The following EHBP1L1 variants were observed in gnomAD, a reference collection of about 807,000 sequenced individuals.
EHBP1L1 encodes EH domain-binding protein 1-like protein 1.
In EHBP1L1, 122 loss-of-function variants were observed where a neutral mutation model predicts 151.1. That is an observed-to-expected ratio of 0.81 (90% CI 0.70 to 0.94). The LOEUF (loss-of-function observed/expected upper bound fraction) is 0.94. Ranked by LOEUF, EHBP1L1 falls within the 40% of genes least tolerant of loss-of-function variation. EHBP1L1 has a pLI of 0.00. For synonymous variants in EHBP1L1, 878 were observed against 810.1 expected (o/e 1.08, Z -1.42); for missense variants, 1,941 against 1,959.8 (o/e 0.99, Z 0.18).
chr11:65,579,997 T>C lies in EHBP1L1; in HGVS notation c.312+8T>C. 3 of 1,613,898 alleles carry C rather than the reference T, an allele frequency of 1.9e-6. No individual in the cohort carries two copies. Among genetic ancestry groups the C allele is most frequent in the Non-Finnish European group, 2.5e-6 (3 of 1,179,854 alleles). ...ACATTTATTATTGAAAATGTGAGTG[T>C]CTGGAGTGGGCTCAGGTCTGGAATC... On this transcript the variant is annotated splice_region_variant and intron_variant, in intron 4 of 18. Transcript: ENST00000309295.
Position 65,579,391 on chromosome 11 carries a change from G to A in EHBP1L1, c.213G>A (p.Val71=), listed in dbSNP as rs771254529. ...GIQNPYRGTV[V]WMVPENVDIS... ...AGAACCCATACCGGGGCACCGTGGT[G>A]TGGATGGTACCTGAGAATGTGGACA... Residue 71 remains valine (V), a synonymous_variant, in exon 3 of 19, where the codon GTG becomes GTA. Transcript: ENST00000309295. 1.9e-6 allele frequency: 3 copies of A among 1,578,356 alleles called. No individual in the cohort carries two copies. Among genetic ancestry groups the A allele is most frequent in the Admixed American group, 1.8e-5 (1 of 55,330 alleles).
Position 65,583,411 on chromosome 11 carries a change from A to T in EHBP1L1, c.2739A>T (p.Gly913=), listed in dbSNP as rs1857747606. 7 of 1,613,398 alleles carry T rather than the reference A, an allele frequency of 4.3e-6. No homozygotes were observed. The highest frequency in any genetic ancestry group is 1.7e-5 in the Admixed American group (1 of 59,952). ...RAPVTQPRVL[G]SQEAKAEISG... is the part of the protein sequence containing the mutation. ...CAGTCACTCAGCCAAGAGTTTTAGG[A>T]TCCCAGGAAGCAAAAGCAGAGATTT... Residue 913 remains glycine, a synonymous_variant, in exon 9 of 19, where the codon GGA becomes GGT. Transcript: ENST00000309295.
chr11:65,581,902 CAG>C lies in EHBP1L1; in HGVS notation c.1233_1234del (p.Arg411SerfsTer5). 1 of 1,613,656 alleles carries C rather than the reference CAG, an allele frequency of 6.2e-7. No homozygotes were observed. The highest frequency in any genetic ancestry group is 8.5e-7 in the Non-Finnish European group (1 of 1,179,796). On this transcript the variant is annotated frameshift_variant, in exon 9 of 19. Coordinates refer to ENST00000309295, the MANE Select transcript of EHBP1L1 (RefSeq NM_001099409.3). LOFTEE classifies it high-confidence loss of function. ...REANTKRSGVRAGEAEESSAV... is the reference protein window; with the variant it reads ...REANTKRSGVXAGEAEESSAV... ...AGGCAAACACTAAGAGGTCAGGAGTCAGAGCTGGGGAGGCTGAAGAGAGTTCA... is the reference window on the plus strand; with the variant it reads ...AGGCAAACACTAAGAGGTCAGGAGTCAGCTGGGGAGGCTGAAGAGAGTTCA...
At chr11:65,591,045 A>G (rs1858252777) in intron 16 of EHBP1L1, 1 of 160,050 alleles carries the variant, frequency 6.2e-6, no homozygotes, top group African/African-American at 2.4e-5. Flanking sequence ...AATAAAAATT[A>G]AAACAAAAAT....
intron 12 of EHBP1L1, among the ~76,000 whole-genome samples, chr11:65,588,159 C>T (rs923090679): frequency 2.7e-5 from 4 of 150,326 alleles, no homozygotes; most frequent in African/African-American, 7.3e-5. Context: ...GGGAGGGAGG[C>T]GGGAAGAGTG....
chr11:65,584,756 G>T lies in EHBP1L1; in HGVS notation c.3301-203G>T, dbSNP rs555907233. 1.1e-3 allele frequency: 1,088 copies of T among 954,588 alleles called. 7 individuals carry two copies. The African/African-American group carries it at 0.014, about 12-fold the overall frequency. The allele number at this position is 954,588 out of a possible 1,614,324, so 59.1% of individuals were successfully genotyped here. On this transcript the variant is annotated intron_variant, in intron 11 of 18. Coordinates refer to ENST00000309295, the MANE Select transcript of EHBP1L1 (RefSeq NM_001099409.3). ...GATGGTTTTTCCAAAACCACCCTTTGGTAACGGGGTGGACGGTGTGCCGTT... is the reference window on the plus strand; with the variant it reads ...GATGGTTTTTCCAAAACCACCCTTTTGTAACGGGGTGGACGGTGTGCCGTT...
In EHBP1L1 at chr11:65,592,476, G is replaced by A. The variant is rs1321904803; in HGVS notation, c.*174G>A. On this transcript the variant is annotated 3_prime_UTR_variant, in exon 19 of 19. Coordinates refer to ENST00000309295, the MANE Select transcript of EHBP1L1 (RefSeq NM_001099409.3). Reference sequence around the variant, plus strand: ...GATCCCCGACCCCACGGGCGGGGCGGCCGCCGTATTTATTTGTCACCGAGG... The same window carrying A: ...GATCCCCGACCCCACGGGCGGGGCGACCGCCGTATTTATTTGTCACCGAGG... 1 of 298,704 alleles carries A rather than the reference G, an allele frequency of 3.3e-6. No homozygotes were observed. Among genetic ancestry groups the A allele is most frequent in the Non-Finnish European group, 5.3e-6 (1 of 189,844 alleles). The allele number at this position is 298,704 out of a possible 1,614,324, so 18.5% of individuals were successfully genotyped here. A position where few individuals can be genotyped will look rare whatever the true frequency, so the allele number is the denominator to read the frequency against.
chr11:65,583,641 C>T lies in EHBP1L1; in HGVS notation c.2969C>T (p.Ala990Val), dbSNP rs1389049931. ...GVLGNEKGKE[A>V]EGSLTEASLP... ...TTGGGAAATGAGAAGGGGAAAGAAG[C>T]TGAGGGAAGCCTCACAGAGGCCAGC... Residue 990 changes from alanine to valine, a missense_variant, in exon 9 of 19, where the codon GCT becomes GTT. By Grantham distance (64) the Ala-to-Val change is moderately conservative. Coordinates refer to ENST00000309295, the MANE Select transcript of EHBP1L1 (RefSeq NM_001099409.3). 6 of 1,601,218 alleles carry T rather than the reference C, an allele frequency of 3.7e-6. No individual in the cohort carries two copies. Among genetic ancestry groups the T allele is most frequent in the African/African-American group, 2.7e-5 (2 of 74,676 alleles).
chr11:65,581,104 C>T lies in EHBP1L1; in HGVS notation c.681C>T (p.Gly227=). 1 of 1,612,812 alleles carries T rather than the reference C, an allele frequency of 6.2e-7. No homozygotes were observed. Among genetic ancestry groups the T allele is most frequent in the Non-Finnish European group, 8.5e-7 (1 of 1,179,610 alleles). Residue 227 remains glycine (G), a synonymous_variant, in exon 7 of 19, where the codon GGC becomes GGT. Coordinates refer to ENST00000309295, the MANE Select transcript of EHBP1L1 (RefSeq NM_001099409.3). ...CGCTTTGTGAGGAGGAGGAGGAAGGCCAAGGACGACCCCAGCAGGCAGGTG... is the reference window on the plus strand; with the variant it reads ...CGCTTTGTGAGGAGGAGGAGGAAGGTCAAGGACGACCCCAGCAGGCAGGTG... The part of the protein sequence containing the change: ...LKTLCEEEEE[G]QGRPQQAVAS...
At position 65,583,725 on chromosome 11, in the gene EHBP1L1, C is replaced by T. The variant is rs1257447773; in HGVS notation, c.3053C>T (p.Pro1018Leu). The T allele has an allele frequency of 6.5e-7, 1 of 1,541,832 alleles. No individual in the cohort carries two copies. Among genetic ancestry groups the T allele is most frequent in the Admixed American group, 2.1e-5 (1 of 47,628 alleles). The change falls in exon 9 of 19, where the codon CCA becomes CTA. Residue 1018 changes from proline (P) to leucine (L), a missense_variant. By Grantham distance (98) the Pro-to-Leu change is moderately conservative. Coordinates refer to ENST00000309295, the MANE Select transcript of EHBP1L1 (RefSeq NM_001099409.3). ...GCTGGGGCGCCCAGGGCCTCTTCCC[C>T]AGAGAAGGCTGAAGAGGACAGGAGG... Reference protein sequence around the residue: ...AGAGAPRASSPEKAEEDRRLP... With the variant: ...AGAGAPRASSLEKAEEDRRLP...
Position 65,585,458 on chromosome 11 carries a change from C to T in EHBP1L1, c.3800C>T (p.Pro1267Leu). 1 of 1,526,002 alleles carries T rather than the reference C, an allele frequency of 6.6e-7. No individual in the cohort carries two copies. The allele number at this position is 1,526,002 out of a possible 1,614,324, so 94.5% of individuals were successfully genotyped here. A position where few individuals can be genotyped will look rare whatever the true frequency, so the allele number is the denominator to read the frequency against. ...AACGGGGAGCCCGGGTCGGTGCCCCCGCCCCGCGCGCACGGCTCCTTCTCC... is the reference window on the plus strand; with the variant it reads ...AACGGGGAGCCCGGGTCGGTGCCCCTGCCCCGCGCGCACGGCTCCTTCTCC... The part of the protein sequence containing the change: ...SVNGEPGSVP[P>L]PRAHGSFSHV... The change falls in exon 12 of 19, where the codon CCG becomes CTG. Residue 1267 changes from proline to leucine, a missense_variant. Transcript: ENST00000309295. This position sits in a 1 kb window ranked among gnomAD's most constrained non-coding sequence, Gnocchi z 4.0.
In EHBP1L1 at chr11:65,585,642, G is replaced by T. The variant is rs1047872650; in HGVS notation, c.3933+51G>T. 7.8e-6 allele frequency: 12 copies of T among 1,530,646 alleles called. No individual in the cohort carries two copies. The African/African-American group carries it at 1.5e-4, about 19-fold the overall frequency. The allele number at this position is 1,530,646 out of a possible 1,614,324, so 94.8% of individuals were successfully genotyped here. On this transcript the variant is annotated intron_variant, in intron 12 of 18. Transcript: ENST00000309295. The surrounding 1 kb of genome is among the most constrained non-coding windows in gnomAD (Gnocchi z 4.0). ...CCCCCGCCGCAGCGCGGGGTCCCGG[G>T]AAGATGGGCAGAGAACGGGCGAGCC...
rs902141388 is a variant in EHBP1L1, at chr11:65,592,503, T to G, written c.*201T>G. 7 of 230,260 alleles carry G rather than the reference T, an allele frequency of 3.0e-5. No homozygotes were observed. In the East Asian group the frequency reaches 7.7e-4, roughly 25 times the overall value. The allele number at this position is 230,260 out of a possible 1,614,324, so 14.3% of individuals were successfully genotyped here. ...CGCCGTATTTATTTGTCACCGAGGG[T>G]GTGTGCGCGCTCGCGGCGGGTGCGG... On this transcript the variant is annotated 3_prime_UTR_variant, in exon 19 of 19. Coordinates refer to ENST00000309295, the MANE Select transcript of EHBP1L1 (RefSeq NM_001099409.3).
chr11:65,576,342 C>G lies in EHBP1L1; in HGVS notation c.40C>G (p.Arg14Gly), dbSNP rs1330249918. The G allele has an allele frequency of 6.3e-7, 1 of 1,599,160 alleles. No homozygotes were observed. The highest frequency in any genetic ancestry group is 8.5e-7 in the Non-Finnish European group (1 of 1,173,502). ...GAAGCGCCTGCAGCGCGTGGGCAAG[C>G]GGGCGGCCAAGTTCCAGTTCGTGGC... is the stretch of plus-strand genomic sequence containing the variant. Reference protein sequence around the residue: ...VWKRLQRVGKRAAKFQFVACY... With the variant: ...VWKRLQRVGKGAAKFQFVACY... The change falls in exon 1 of 19, where the codon CGG (arginine) becomes GGG (glycine). Residue 14 changes from arginine (R) to glycine (G), a missense_variant. Physicochemically the swap from Arg to Gly is moderately radical, Grantham distance 125. Transcript: ENST00000309295.
At position 65,585,165 on chromosome 11, in the gene EHBP1L1, G is replaced by C. The variant is rs1312469962; in HGVS notation, c.3507G>C (p.Pro1169=). The change falls in exon 12 of 19, where the codon CCG becomes CCC. Residue 1169 remains proline, a synonymous_variant. Transcript: ENST00000309295. The surrounding 1 kb of genome is among the most constrained non-coding windows in gnomAD (Gnocchi z 4.0). ...GCGTGGGCAGCGCCCAGCCCAGCCC[G>C]CCCGACGACCTGGACGCCGGAGGCC... The part of the protein sequence containing the change: ...TYRVGSAQPS[P]PDDLDAGGLA... 6.6e-6 allele frequency: 9 copies of C among 1,354,690 alleles called. No homozygotes were observed. Among genetic ancestry groups the C allele is most frequent in the African/African-American group, 3.1e-5 (2 of 64,376 alleles). 83.9% of individuals were successfully genotyped at this position (1,354,690 alleles called of 1,614,324 possible). A position where few individuals can be genotyped will look rare whatever the true frequency, so the allele number is the denominator to read the frequency against.
chr11:65,582,222 G>A lies in EHBP1L1; in HGVS notation c.1550G>A (p.Gly517Asp). Residue 517 changes from glycine to aspartate, a missense_variant, in exon 9 of 19, where the codon GGT becomes GAT. Coordinates refer to ENST00000309295, the MANE Select transcript of EHBP1L1 (RefSeq NM_001099409.3). ...EGAEVRGGAP[G>D]IEGTGLEQGP... Reference sequence around the variant, plus strand: ...GCAGAAGTGAGGGGTGGAGCACCTGGTATTGAGGGGACAGGCCTGGAGCAG... The same window carrying A: ...GCAGAAGTGAGGGGTGGAGCACCTGATATTGAGGGGACAGGCCTGGAGCAG... 6.5e-7 allele frequency: 1 copy of A among 1,531,384 alleles called. No homozygotes were observed. The highest frequency in any genetic ancestry group is 8.7e-7 in the Non-Finnish European group (1 of 1,143,396). The allele number at this position is 1,531,384 out of a possible 1,614,324, so 94.9% of individuals were successfully genotyped here.
intron 1 of EHBP1L1, among the ~76,000 whole-genome samples, chr11:65,578,652 C>T (rs918114731): frequency 6.6e-6 from 1 of 152,224 alleles, no homozygotes; most frequent in African/African-American, 2.4e-5. Context: ...CCACAAACAT[C>T]TTTGTGCGAA....
Position 65,577,443 on chromosome 11 carries a change from C to T in EHBP1L1, c.104+1037C>T, listed in dbSNP as rs540246049. Reference sequence around the variant, plus strand: ...GAGCTTGGGGGCTGGCACTTGAACTCTGGCCTCTGGCTCCTGCTCCAGCAT... The same window carrying T: ...GAGCTTGGGGGCTGGCACTTGAACTTTGGCCTCTGGCTCCTGCTCCAGCAT... On this transcript the variant is annotated intron_variant, in intron 1 of 18. Coordinates refer to ENST00000309295, the MANE Select transcript of EHBP1L1 (RefSeq NM_001099409.3). Among the ~76,000 whole-genome samples, 18 of 152,338 alleles carry T rather than the reference C, an allele frequency of 1.2e-4. No homozygotes were observed. The East Asian group carries it at 3.5e-3, about 29-fold the overall frequency.
At chr11:65,588,060 T>TG (rs1284985601) in intron 12 of EHBP1L1, among the ~76,000 whole-genome samples, 1 of 149,090 alleles carries the variant, frequency 6.7e-6, no homozygotes, top group Non-Finnish European at 1.5e-5. Context: ...ACGGGGTGAG[T>TG]GGGGGTTGGA....
Sources: gnomAD v4.1 joint callset for allele counts (sites outside exome capture counted in the v4.1 genomes callset) on GRCh38, gnomAD v4.1.1 for gene constraint, Gnocchi (gnomAD v3.1) non-coding constraint, MANE v1.5 for transcripts, NCBI Gene and HGNC (gene_info 2026-07-23, HGNC 2026-07-21) for gene names.